Variants in ZNF496 observed in about 807,000 individuals in gnomAD.
ZNF496 encodes zinc finger protein 496.
In ZNF496, 11 loss-of-function variants were observed where a neutral mutation model predicts 58.9. That is an observed-to-expected ratio of 0.19 (90% CI 0.12 to 0.31). The LOEUF (loss-of-function observed/expected upper bound fraction) is 0.31. ZNF496 is among the 10% of genes least tolerant of loss of function. The pLI is 1.00. For synonymous variants in ZNF496, 338 were observed against 318.2 expected, an observed-to-expected ratio of 1.06 and a Z score of -0.66; for missense variants, 660 against 783.0, an observed-to-expected ratio of 0.84 and a Z score of 1.88.
intron 9 of ZNF496, among the ~76,000 whole-genome samples, chr1:247,302,518 A>G (rs1409128096): frequency 6.6e-6 from 1 of 151,960 alleles, no homozygotes; most frequent in Non-Finnish European, 1.5e-5. Flanking sequence ...AGATGGGGTC[A>G]CATTATGTTG....
rs899019010 is a variant in ZNF496 at position 247,299,298 on chromosome 1, C to G, written c.*1221G>C. 1 of 152,206 alleles carries G rather than the reference C, an allele frequency of 6.6e-6. No homozygotes were observed. The highest frequency in any genetic ancestry group is 1.9e-4 in the East Asian group (1 of 5,184). 9.4% of individuals were successfully genotyped at this position (152,206 alleles called of 1,614,324 possible). A position where few individuals can be genotyped will look rare whatever the true frequency, so the allele number is the denominator to read the frequency against. ...CCTTAAACAAAGGGAGGTTTGGAGA[C>G]AGACACGCACACAGCAAGAGTGCCA... On this transcript the variant is annotated 3_prime_UTR_variant, in exon 10 of 10. Coordinates refer to ENST00000682384, the MANE Select transcript of ZNF496 (RefSeq NM_032752.3).
At chr1:247,302,043 G>A (rs528156865) in intron 9 of ZNF496, among the ~76,000 whole-genome samples, 2 of 152,340 alleles carry the variant, frequency 1.3e-5, no homozygotes, top group Admixed American at 1.3e-4. Context: ...GAACCACGGG[G>A]CGGGGCTGGG....
At chr1:247,311,450 C>CACACACAA (rs1398681451) in intron 6 of ZNF496, 8 of 149,420 alleles carry the variant, frequency 5.4e-5, no homozygotes, top group Admixed American at 4.0e-4. Context: ...CACACACACA[C>CACACACAA]ACACACACAC....
chr1:247,300,986 TCTCCTG>T lies in ZNF496; in HGVS notation c.1291_1296del (p.Gln431_Glu432del). On this transcript the variant is annotated inframe_deletion, in exon 10 of 10. Coordinates refer to ENST00000682384, the MANE Select transcript of ZNF496 (RefSeq NM_032752.3). This position sits in a 1 kb window ranked among gnomAD's most constrained non-coding sequence, Gnocchi z 5.7. ...CCGCACACCGAGCACTCGTGCGGCT[TCTCCTG>T]CTCCCTGCGGCTCCGCAGATGCCGG... 6.2e-7 allele frequency: 1 copy of T among 1,613,840 alleles called. No individual in the cohort carries two copies. The highest frequency in any genetic ancestry group is 8.5e-7 in the Non-Finnish European group (1 of 1,180,038).
Position 247,318,935 on chromosome 1 carries a change from T to C in ZNF496, c.651+4219A>G, listed in dbSNP as rs994474367. 1.8e-4 allele frequency among the ~76,000 whole-genome samples: 4 copies of C among 21,950 alleles called. No homozygotes were observed. In the Non-Finnish European group the frequency reaches 2.7e-3, roughly 15 times the overall value. The allele number at this position is 21,950 out of a possible 152,430, so 14.4% of individuals were successfully genotyped here. A position where few individuals can be genotyped will look rare whatever the true frequency, so the allele number is the denominator to read the frequency against. On this transcript the variant is annotated intron_variant, in intron 6 of 9. Coordinates refer to ENST00000682384, the MANE Select transcript of ZNF496 (RefSeq NM_032752.3). ...AGGAAATATTTAAACAACTGCATTA[T>C]AATGGGGAAGAAGGATGAGGGTATG...
chr1:247,324,102 A>G (rs1158993588), intron 5 of ZNF496, among the ~76,000 whole-genome samples: 1 of 151,642 alleles, frequency 6.6e-6, no homozygotes, highest in Non-Finnish European at 1.5e-5. Context: ...AAAAAAAGTA[A>G]GGGCTGTTGG....
chr1:247,302,442 G>A (rs191850618), intron 9 of ZNF496, among the ~76,000 whole-genome samples: 25 of 151,748 alleles, frequency 1.6e-4, no homozygotes, highest in African/African-American at 5.8e-4. Context: ...TAGTATAGGA[G>A]GGAAATCATC....
intron 4 of ZNF496, 22 bp from the exon 5 acceptor site, chr1:247,328,888 T>C (rs1355316962): frequency 1.3e-6 from 2 of 1,567,304 alleles, no homozygotes; most frequent in Non-Finnish European, 1.7e-6. Flanking sequence ...GAGACAGCTT[T>C]TCAGGGCTAG....
chr1:247,327,356 G>A (rs757627605), intron 5 of ZNF496, among the ~76,000 whole-genome samples: 6 of 152,150 alleles, frequency 3.9e-5, no homozygotes, highest in East Asian at 3.9e-4. Context: ...GAGCCACCGC[G>A]CCCAACCCCT....
At chr1:247,314,756 CT>C (rs951335293) in intron 6 of ZNF496, among the ~76,000 whole-genome samples, 1 of 151,846 alleles carries the variant, frequency 6.6e-6, no homozygotes, top group African/African-American at 2.4e-5. Context: ...CTTTCTTTCT[CT>C]TTTTTTTGAG....
At position 247,300,822 on chromosome 1, in the gene ZNF496, C is replaced by T. The variant is rs145657159; in HGVS notation, c.1461G>A (p.Gln487=). ...TCTCCACCGGCTGGAGTCTGTCCGG[C>T]TGCAGGTGTATCCGCCGGTGGGAGA... is the stretch of plus-strand genomic sequence containing the variant. ...HLLSHRRIHL[Q]PDRLQPVEKR... is the part of the protein sequence containing the mutation. Residue 487 remains glutamine (Q), a synonymous_variant, in exon 10 of 10, where the codon CAG becomes CAA. Coordinates refer to ENST00000682384, the MANE Select transcript of ZNF496 (RefSeq NM_032752.3). The surrounding 1 kb of genome is among the most constrained non-coding windows in gnomAD (Gnocchi z 5.7). The T allele has an allele frequency of 6.8e-6, 11 of 1,607,814 alleles. No homozygotes were observed. In the African/African-American group the frequency reaches 8.0e-5, roughly 12 times the overall value.
chr1:247,309,995 T>G lies in ZNF496; in HGVS notation c.785-189A>C, dbSNP rs1659541346. The G allele has an allele frequency of 7.2e-7, 1 of 1,384,080 alleles. No individual in the cohort carries two copies. Among genetic ancestry groups the G allele is most frequent in the Non-Finnish European group, 9.5e-7 (1 of 1,053,388 alleles). 85.7% of individuals were successfully genotyped at this position (1,384,080 alleles called of 1,614,324 possible). A position where few individuals can be genotyped will look rare whatever the true frequency, so the allele number is the denominator to read the frequency against. On this transcript the variant is annotated intron_variant, in intron 7 of 9. Transcript: ENST00000682384. The surrounding 1 kb of genome is among the most constrained non-coding windows in gnomAD (Gnocchi z 4.3). ...AGCACACGCAGGGAGAGCTATGGGC[T>G]TGGGGGTCTCTCTGAGGCTTTCGGG...
At chr1:247,307,595 G>A (rs963153985) in intron 9 of ZNF496, 1 of 985,284 alleles carries the variant, frequency 1.0e-6, no homozygotes, top group Non-Finnish European at 1.2e-6. Context: ...TGCTTGTGGA[G>A]CAGGATCTCA....
Position 247,299,671 on chromosome 1 carries a change from C to T in ZNF496, c.*848G>A, listed in dbSNP as rs1204811499. The T allele has an allele frequency of 6.6e-6, 1 of 152,362 alleles. No homozygotes were observed. Among genetic ancestry groups the T allele is most frequent in the East Asian group, 1.9e-4 (1 of 5,178 alleles). The allele number at this position is 152,362 out of a possible 1,614,324, so 9.4% of individuals were successfully genotyped here. On this transcript the variant is annotated 3_prime_UTR_variant, in exon 10 of 10. Transcript: ENST00000682384. ...AGATTGGAAGAAGGGACTTAAGTGC[C>T]TTTTAAACGATGACAACTCCGCTTC...
intron 6 of ZNF496, among the ~76,000 whole-genome samples, chr1:247,321,053 G>A (rs12027522): frequency 0.23 from 35,273 of 151,942 alleles, 4,355 homozygotes; most frequent in East Asian, 0.41. Flanking sequence ...GCGGGTGCCT[G>A]TAATCCCAGC....
At chr1:247,317,570 GCC>G (rs74163749) in intron 6 of ZNF496, among the ~76,000 whole-genome samples, 5 of 150,386 alleles carry the variant, frequency 3.3e-5, no homozygotes, top group Non-Finnish European at 5.9e-5. Context: ...CTAAGAACAA[GCC>G]CCCCCCCCGC....
intron 6 of ZNF496, among the ~76,000 whole-genome samples, chr1:247,314,704 T>C (rs940184496): frequency 6.6e-6 from 1 of 152,188 alleles, no homozygotes; most frequent in African/African-American, 2.4e-5. Flanking sequence ...CCCCGGGTGT[T>C]GGGGCCAGGC....
rs1660338873 is a variant in ZNF496, at chr1:247,331,786, T to G, written c.-370+4A>C. The G allele has an allele frequency of 2.0e-5, 3 of 148,426 alleles. No individual in the cohort carries two copies. The South Asian group carries it at 6.3e-4, about 31-fold the overall frequency. 9.2% of individuals were successfully genotyped at this position (148,426 alleles called of 1,614,324 possible). A position where few individuals can be genotyped will look rare whatever the true frequency, so the allele number is the denominator to read the frequency against. On this transcript the variant is annotated splice_donor_region_variant and intron_variant, in intron 1 of 9. Coordinates refer to ENST00000682384, the MANE Select transcript of ZNF496 (RefSeq NM_032752.3). The stretch of plus-strand genomic sequence containing the variant: ...GCCGGCCGCGGGAGCCGGGGTGCAC[T>G]CACCGCCGCGGCGCGTCCCTGTTGG...
At position 247,309,849 on chromosome 1, in the gene ZNF496, G is replaced by A; in HGVS notation, c.785-43C>T. The A allele has an allele frequency of 6.2e-7, 1 of 1,602,716 alleles. No homozygotes were observed. Among genetic ancestry groups the A allele is most frequent in the East Asian group, 2.2e-5 (1 of 44,798 alleles). ...CAGGGTACATGTTTATTAGTAATCT[G>A]ATCCTGCAGCAACCAGGGCTGGTCC... On this transcript the variant is annotated intron_variant, in intron 7 of 9. Transcript: ENST00000682384. This position sits in a 1 kb window ranked among gnomAD's most constrained non-coding sequence, Gnocchi z 4.3.
Sources: allele counts gnomAD v4.1 joint callset (sites outside exome capture counted in the v4.1 genomes callset), GRCh38; gene constraint gnomAD v4.1.1; non-coding constraint Gnocchi (gnomAD v3.1); transcripts MANE v1.5; gene names NCBI Gene and HGNC (gene_info 2026-07-23, HGNC 2026-07-21).